TRMT112: variants seen among roughly 807,000 people sequenced by gnomAD.
TRMT112 encodes the protein tRNA methyltransferase activator subunit 11-2.
TRMT112 carries 9 observed loss-of-function variants against 13.8 expected under a neutral mutation model. The observed-to-expected ratio is 0.65, with a 90% CI of 0.39 to 1.14. The LOEUF is 1.14. TRMT112 is among the 50% of genes most tolerant of loss of function. TRMT112 has a pLI of 0.01. For synonymous variants in TRMT112, 64 were observed against 67.0 expected (o/e 0.96, Z 0.22); for missense variants, 196 against 165.5 (o/e 1.18, Z -1.01).
In TRMT112 at chr11:64,316,492, C is replaced by T. The variant is rs1421495847; in HGVS notation, c.*369G>A. The stretch of plus-strand genomic sequence containing the variant: ...CCAGCCCCTGGACCCCTGGGGTGGC[C>T]AGGGCTTCCCCATCAGCTCCCAACG... On this transcript the variant is annotated 3_prime_UTR_variant, in exon 4 of 4. Coordinates refer to ENST00000544844, the MANE Select transcript of TRMT112 (RefSeq NM_016404.3). 3.6e-5 allele frequency: 8 copies of T among 225,252 alleles called. No homozygotes were observed. Among genetic ancestry groups the T allele is most frequent in the Admixed American group, 2.6e-4 (5 of 19,294 alleles). The allele number at this position is 225,252 out of a possible 1,614,324, so 14.0% of individuals were successfully genotyped here.
At chr11:64,318,292 C>T (rs148589018), upstream of TRMT112, 36 of 1,612,230 alleles carry the variant, frequency 2.2e-5, no homozygotes, top group Non-Finnish European at 3.0e-5. Context: ...GGTCAGTCTG[C>T]GGCAGCGGCA....
At chr11:64,318,204 C>T (rs1367541257), upstream of TRMT112, 8 of 1,611,002 alleles carry the variant, frequency 5.0e-6, no homozygotes, top group Admixed American at 6.7e-5. Context: ...TGGAAGTGGC[C>T]GTGGGGCGGG....
upstream of TRMT112, chr11:64,317,614 T>C: frequency 1.5e-6 from 2 of 1,342,520 alleles, no homozygotes; most frequent in Non-Finnish European, 2.0e-6. Flanking sequence ...TCGATGCTAT[T>C]GGATAGCCAG....
chr11:64,317,681 G>A, upstream of TRMT112: 2 of 877,884 alleles, frequency 2.3e-6, no homozygotes, highest in Non-Finnish European at 3.4e-6. Flanking sequence ...AGCTGAGGTA[G>A]GTAGGTGAAA....
chr11:64,317,028 C>T, intron 3 of TRMT112, 30 bp downstream of exon 3: 1 of 1,613,868 alleles, frequency 6.2e-7, no homozygotes, highest in Non-Finnish European at 8.5e-7. Flanking sequence ...GGCAGGTGGC[C>T]CGGGAAGCAA....
At chr11:64,318,420 C>A, upstream of TRMT112, 2 of 1,579,788 alleles carry the variant, frequency 1.3e-6, no homozygotes, top group East Asian at 2.3e-5. Context: ...TGACATCCCC[C>A]ACTACCCCCA....
intron 3 of TRMT112, 38 bp downstream of exon 3, chr11:64,317,020 C>G (rs752646640): frequency 1.2e-6 from 2 of 1,613,236 alleles, no homozygotes; most frequent in East Asian, 4.5e-5. Flanking sequence ...GTGCGGGAGG[C>G]AGGTGGCCCG....
At chr11:64,318,510 C>T (rs2035387256), upstream of TRMT112, 5 of 1,315,852 alleles carry the variant, frequency 3.8e-6, no homozygotes, top group African/African-American at 1.5e-5. Context: ...CCGCCCGGCT[C>T]ATCCCTTCAG....
At position 64,316,797 on chromosome 11, in the gene TRMT112, G is replaced by A. The variant is rs1395286609; in HGVS notation, c.*64C>T. 8.9e-7 allele frequency: 1 copy of A among 1,129,678 alleles called. No individual in the cohort carries two copies. Among genetic ancestry groups the A allele is most frequent in the East Asian group, 2.3e-5 (1 of 42,560 alleles). 70.0% of individuals were successfully genotyped at this position (1,129,678 alleles called of 1,614,324 possible). On this transcript the variant is annotated 3_prime_UTR_variant, in exon 4 of 4. Transcript: ENST00000544844. ...GTTGGGGATACACACGGCAGAATTC[G>A]GAAACAGGGTATAGATCAACAAAAA...
chr11:64,318,503 C>T (rs1446039996), upstream of TRMT112: 3 of 1,333,568 alleles, frequency 2.2e-6, no homozygotes, highest in East Asian at 5.1e-5. Context: ...CCTCCGCCCG[C>T]CCGGCTCATC....
In TRMT112 at chr11:64,316,868, T is replaced by C; in HGVS notation, c.371A>G (p.Glu124Gly). 1 of 1,584,658 alleles carries C rather than the reference T, an allele frequency of 6.3e-7. No homozygotes were observed. Among genetic ancestry groups the C allele is most frequent in the Non-Finnish European group, 8.7e-7 (1 of 1,154,856 alleles). The part of the protein sequence containing the change: ...PNMLLSEEET[E>G]S ...AACTGGCGCCTGGCACAATCAACTC[T>C]CAGTTTCCTCTTCACTCAGCAGCAT... The change falls in exon 4 of 4, where the codon GAG becomes GGG. Residue 124 changes from glutamate (E) to glycine (G), a missense_variant. Coordinates refer to ENST00000544844, the MANE Select transcript of TRMT112 (RefSeq NM_016404.3).
At chr11:64,317,413 C>T (rs375491426) in intron 1 of TRMT112, 36 bp downstream of exon 1, 3 of 1,613,902 alleles carry the variant, frequency 1.9e-6, no homozygotes, top group Non-Finnish European at 1.7e-6. Context: ...GGCCCACCAT[C>T]CCGCCCGAAA....
upstream of TRMT112, chr11:64,317,757 G>C: frequency 2.6e-6 from 2 of 758,086 alleles, no homozygotes; most frequent in Non-Finnish European, 4.0e-6. Flanking sequence ...CGCACGCCCA[G>C]CTTTTTTTTG....
upstream of TRMT112, chr11:64,318,326 G>C: frequency 6.2e-7 from 1 of 1,612,658 alleles, no homozygotes; most frequent in Non-Finnish European, 8.5e-7. Context: ...GTGAAGGAGA[G>C]TGGGCGTCTG....
upstream of TRMT112, chr11:64,317,687 T>C (rs1591252042): frequency 1.2e-6 from 1 of 828,384 alleles, no homozygotes; most frequent in Non-Finnish European, 1.8e-6. Flanking sequence ...GGTAGGTAGG[T>C]GAAAGACCTG....
rs747870648 is a variant in TRMT112 at position 64,317,436 on chromosome 11, C to T, written c.78+13G>A. 9.9e-6 allele frequency: 16 copies of T among 1,612,746 alleles called. No homozygotes were observed. In the South Asian group the frequency reaches 1.1e-4, roughly 11 times the overall value. On this transcript the variant is annotated intron_variant, in intron 1 of 3. Coordinates refer to ENST00000544844, the MANE Select transcript of TRMT112 (RefSeq NM_016404.3). ...ATCCCGCCCGAAAAGGGAAGACTGCCGCCGGCGGGTACCTGGAGGCGCAGG... is the reference window on the plus strand; with the variant it reads ...ATCCCGCCCGAAAAGGGAAGACTGCTGCCGGCGGGTACCTGGAGGCGCAGG...
chr11:64,317,223 G>A lies in TRMT112; in HGVS notation c.180+41C>T, dbSNP rs760463922. 12 of 1,607,014 alleles carry A rather than the reference G, an allele frequency of 7.5e-6. No individual in the cohort carries two copies. In the South Asian group the frequency reaches 8.8e-5, roughly 12 times the overall value. ...AGCCCGGCTGAGGTGTGCCCGCCCCGCATTCCCCGGGATATGCTGGGGCGG... is the reference window on the plus strand; with the variant it reads ...AGCCCGGCTGAGGTGTGCCCGCCCCACATTCCCCGGGATATGCTGGGGCGG... On this transcript the variant is annotated intron_variant, in intron 2 of 3. Transcript: ENST00000544844.
chr11:64,317,372 G>A lies in TRMT112; in HGVS notation c.79-7C>T. 6.2e-7 allele frequency: 1 copy of A among 1,614,098 alleles called. No individual in the cohort carries two copies. Among genetic ancestry groups the A allele is most frequent in the East Asian group, 2.2e-5 (1 of 44,880 alleles). On this transcript the variant is annotated splice_polypyrimidine_tract_variant and splice_region_variant and intron_variant, in intron 1 of 3. Transcript: ENST00000544844. ...AGATACGGACCTCGGTGGCCTGCAGGGCGGAGGAGTTTAGGCAAGCACTGG... is the reference window on the plus strand; with the variant it reads ...AGATACGGACCTCGGTGGCCTGCAGAGCGGAGGAGTTTAGGCAAGCACTGG...
rs1360427980 is a variant in TRMT112 at position 64,317,432 on chromosome 11, C to G, written c.78+17G>C. The G allele has an allele frequency of 6.2e-7, 1 of 1,613,020 alleles. No homozygotes were observed. ...CACCATCCCGCCCGAAAAGGGAAGA[C>G]TGCCGCCGGCGGGTACCTGGAGGCG... On this transcript the variant is annotated intron_variant, in intron 1 of 3. Transcript: ENST00000544844.
Sources: allele counts gnomAD v4.1 joint callset, GRCh38; gene constraint gnomAD v4.1.1; transcripts MANE v1.5; gene names NCBI Gene and HGNC (gene_info 2026-07-23, HGNC 2026-07-21).